The following YTHDC2 variants were observed in gnomAD, a reference collection of about 807,000 sequenced individuals.
YTHDC2 encodes YTH N6-methyladenosine RNA binding protein C2.
Under a neutral mutation model 174.9 loss-of-function variants are expected in YTHDC2, and 45 were observed. The ratio of observed to expected loss-of-function variants is 0.26; its 90% CI spans 0.20 to 0.33. The LOEUF is 0.33. YTHDC2 is among the 10% of genes least tolerant of loss of function. YTHDC2 has a pLI of 1.00. For missense variants in YTHDC2, 1,650 were observed against 1,723.7 expected (o/e 0.96, Z 0.76); for synonymous variants, 657 against 574.5 (o/e 1.14, Z -2.05).
intron 20 of YTHDC2, chr5:113,565,671 A>G (rs1045537559): frequency 5.2e-6 from 2 of 383,134 alleles, no homozygotes; most frequent in South Asian, 1.1e-4. Flanking sequence ...GCTACTTGAC[A>G]CTTAGTTCTC....
intron 23 of YTHDC2, among the ~76,000 whole-genome samples, chr5:113,570,956 G>T (rs905230196): frequency 6.6e-6 from 1 of 151,948 alleles, no homozygotes; most frequent in Non-Finnish European, 1.5e-5. Context: ...CCCACCCGAC[G>T]TGAATACTCT....
rs1779199749 is a variant in YTHDC2, at chr5:113,595,250, C to T, written c.*1776C>T. The T allele has an allele frequency of 6.6e-6, 1 of 151,942 alleles. No individual in the cohort carries two copies. Among genetic ancestry groups the T allele is most frequent in the Non-Finnish European group, 1.5e-5 (1 of 67,956 alleles). The allele number at this position is 151,942 out of a possible 1,614,324, so 9.4% of individuals were successfully genotyped here. On this transcript the variant is annotated 3_prime_UTR_variant, in exon 30 of 30. Coordinates refer to ENST00000161863, the MANE Select transcript of YTHDC2 (RefSeq NM_022828.5). ...AGTGCTGTTTTTTGGAAGCGATAAACTTTAAATATACTTATTAAAATGAAA... is the reference window on the plus strand; with the variant it reads ...AGTGCTGTTTTTTGGAAGCGATAAATTTTAAATATACTTATTAAAATGAAA...
intron 7 of YTHDC2, among the ~76,000 whole-genome samples, chr5:113,538,050 G>A (rs184287200): frequency 9.2e-5 from 14 of 152,206 alleles, no homozygotes; most frequent in Admixed American, 9.2e-4. Flanking sequence ...TTATCATTCA[G>A]ATTTGCAAGC....
intron 8 of YTHDC2, 26 bp from the exon 9 acceptor site, chr5:113,540,942 T>A (rs1359722930): frequency 1.3e-6 from 2 of 1,596,316 alleles, no homozygotes; most frequent in East Asian, 4.5e-5. Flanking sequence ...TTTGTCTACA[T>A]ATTCTTTCTT....
chr5:113,542,529 T>C (rs1377385301), intron 10 of YTHDC2, 26 bp downstream of exon 10: 6 of 1,580,196 alleles, frequency 3.8e-6, no homozygotes, highest in South Asian at 2.4e-5. Flanking sequence ...TTTTAAAAAA[T>C]TACCCTTACA....
At chr5:113,559,903 A>G (rs547087022) in intron 17 of YTHDC2, among the ~76,000 whole-genome samples, 1 of 152,354 alleles carries the variant, frequency 6.6e-6, no homozygotes, top group South Asian at 2.1e-4. Flanking sequence ...AGCGGACTGG[A>G]GGTCATGGCA....
chr5:113,537,315 A>T (rs548804298), intron 7 of YTHDC2, among the ~76,000 whole-genome samples: 1 of 150,082 alleles, frequency 6.7e-6, no homozygotes, highest in South Asian at 2.1e-4. Flanking sequence ...TTAGGCAAAA[A>T]TCTTACTTAA....
chr5:113,557,285 T>A (rs955639846), intron 17 of YTHDC2, among the ~76,000 whole-genome samples: 4 of 152,210 alleles, frequency 2.6e-5, no homozygotes, highest in African/African-American at 9.6e-5. Context: ...TTTCAGTAAA[T>A]ATTTATCTTG....
At chr5:113,540,618 C>A (rs1775387172) in intron 8 of YTHDC2, among the ~76,000 whole-genome samples, 3 of 152,142 alleles carry the variant, frequency 2.0e-5, no homozygotes, top group Non-Finnish European at 4.4e-5. Context: ...ACCATCAGAT[C>A]TCGTGAGAAC....
At chr5:113,580,003 A>C in intron 24 of YTHDC2, 1 of 927,790 alleles carries the variant, frequency 1.1e-6, no homozygotes, top group Non-Finnish European at 1.3e-6. Flanking sequence ...CTTAAGTCTG[A>C]GATCAAGGTG....
intron 23 of YTHDC2, among the ~76,000 whole-genome samples, chr5:113,568,538 C>T (rs1777504578): frequency 6.6e-6 from 1 of 152,116 alleles, no homozygotes; most frequent in Non-Finnish European, 1.5e-5. Context: ...CACACACCCC[C>T]AGTAGGCCCC....
At chr5:113,556,229 A>C (rs1776599990) in intron 17 of YTHDC2, 95 bp downstream of exon 17, 1 of 583,016 alleles carries the variant, frequency 1.7e-6, no homozygotes, top group Non-Finnish European at 2.8e-6. Context: ...ATGTTCAATA[A>C]AATAGTAGTT....
chr5:113,553,466 A>G (rs1239860369), intron 13 of YTHDC2, 107 bp downstream of exon 13: 8 of 1,405,840 alleles, frequency 5.7e-6, no homozygotes, highest in Admixed American at 2.2e-5. Context: ...GTAAGTGAAT[A>G]ATCTCCTGTC....
chr5:113,552,386 A>T (rs1250809866), intron 12 of YTHDC2, among the ~76,000 whole-genome samples: 1 of 152,054 alleles, frequency 6.6e-6, no homozygotes, highest in Non-Finnish European at 1.5e-5. Flanking sequence ...CCACTAATCT[A>T]CTTCCAGTTT....
At chr5:113,592,383 A>G in intron 28 of YTHDC2, 1 of 430,280 alleles carries the variant, frequency 2.3e-6, no homozygotes, top group Non-Finnish European at 4.0e-6. Flanking sequence ...TCTCAAGATG[A>G]CAATAGTATT....
At position 113,581,395 on chromosome 5, in the gene YTHDC2, G is replaced by A. The variant is rs778463382; in HGVS notation, c.3355-22G>A. ...TTGCATATGTGATATTCATTTGCTT[G>A]TATCTATTTGAACTATTACAGGCAG... On this transcript the variant is annotated intron_variant, in intron 24 of 29. Coordinates refer to ENST00000161863, the MANE Select transcript of YTHDC2 (RefSeq NM_022828.5). The A allele has an allele frequency of 4.5e-6, 7 of 1,546,164 alleles. No individual in the cohort carries two copies. The Admixed American group carries it at 1.5e-4, about 32-fold the overall frequency.
Position 113,563,886 on chromosome 5 carries a change from G to T in YTHDC2, c.2470G>T (p.Asp824Tyr). ...AATAGATGCAATGGATACATGGGAAGATCTGACTGAACTTGGGTATCATTT... is the reference window on the plus strand; with the variant it reads ...AATAGATGCAATGGATACATGGGAATATCTGACTGAACTTGGGTATCATTT... ...KTIDAMDTWE[D>Y]LTELGYHLAD... is the part of the protein sequence containing the mutation. Residue 824 changes from aspartate (D) to tyrosine (Y), a missense_variant, in exon 20 of 30, where the codon GAT becomes TAT. This residue lies in a region of YTHDC2 where 913 missense variants were observed against 940.4 expected (regional missense o/e 0.97). Transcript: ENST00000161863. 1 of 1,614,148 alleles carries T rather than the reference G, an allele frequency of 6.2e-7. No homozygotes were observed. Among genetic ancestry groups the T allele is most frequent in the Non-Finnish European group, 8.5e-7 (1 of 1,180,018 alleles).
At chr5:113,525,481 A>G (rs1774151393) in intron 3 of YTHDC2, among the ~76,000 whole-genome samples, 1 of 152,036 alleles carries the variant, frequency 6.6e-6, no homozygotes, top group Non-Finnish European at 1.5e-5. Context: ...CAACCTTTGC[A>G]AGGTAAGAAT....
At chr5:113,517,736 G>T in intron 2 of YTHDC2, 1 of 303,376 alleles carries the variant, frequency 3.3e-6, no homozygotes, top group Admixed American at 4.4e-5. Context: ...TATTTTCTTA[G>T]TGGTCCTTGT....
Sources: allele counts gnomAD v4.1 joint callset (sites outside exome capture counted in the v4.1 genomes callset), GRCh38; gene constraint gnomAD v4.1.1; regional missense constraint gnomAD v4.1.1; transcripts MANE v1.5; gene names NCBI Gene and HGNC (gene_info 2026-07-23, HGNC 2026-07-21).